The following SCHIP1 variants were observed in gnomAD, a reference collection of about 807,000 sequenced individuals.
SCHIP1 encodes the protein schwannomin-interacting protein 1.
Under a neutral mutation model 29.7 loss-of-function variants are expected in SCHIP1, and 8 were observed. The observed-to-expected ratio is 0.27, with a 90% CI of 0.16 to 0.49. SCHIP1 has a LOEUF of 0.49. SCHIP1 is among the 20% of genes least tolerant of loss of function. SCHIP1 has a pLI of 0.99. For missense variants in SCHIP1, 193 were observed against 294.6 expected, an observed-to-expected ratio of 0.66 and a Z score of 2.52; for synonymous variants, 76 against 94.9, an observed-to-expected ratio of 0.80 and a Z score of 1.16.
the SCHIP1 span, among the ~76,000 whole-genome samples, chr3:159,391,004 AG>A: frequency 6.6e-6 from 1 of 152,206 alleles, no homozygotes; most frequent in African/African-American, 2.4e-5. Context: ...GAGCTGAAAC[AG>A]TGAGTTCAAT....
the SCHIP1 span, among the ~76,000 whole-genome samples, chr3:159,666,681 A>T: frequency 6.6e-6 from 1 of 152,250 alleles, no homozygotes; most frequent in African/African-American, 2.4e-5. Flanking sequence ...GAGAAATACC[A>T]TAATTACATA....
At chr3:159,847,587 T>C (rs989016045) in intron 1 of SCHIP1, among the ~76,000 whole-genome samples, 1 of 152,160 alleles carries the variant, frequency 6.6e-6, no homozygotes, top group African/African-American at 2.4e-5. Flanking sequence ...ACATTAAAAT[T>C]GGTTCCACTT....
At chr3:159,348,137 TTAATAA>T in the SCHIP1 span, among the ~76,000 whole-genome samples, 1 of 152,152 alleles carries the variant, frequency 6.6e-6, no homozygotes, top group African/African-American at 2.4e-5. Context: ...TCAATGTTCT[TTAATAA>T]TAATAAAAAC....
the SCHIP1 span, among the ~76,000 whole-genome samples, chr3:159,394,126 G>A: frequency 6.7e-6 from 1 of 150,118 alleles, no homozygotes; most frequent in Non-Finnish European, 1.5e-5. Context: ...GTCTGTTGTT[G>A]GTGTATAAGA....
At chr3:159,460,524 A>T in the SCHIP1 span, among the ~76,000 whole-genome samples, 1 of 152,276 alleles carries the variant, frequency 6.6e-6, no homozygotes, top group South Asian at 2.1e-4. Context: ...CACACAAAGG[A>T]AGCAGCATAT....
the SCHIP1 span, among the ~76,000 whole-genome samples, chr3:159,358,978 A>G: frequency 0.07 from 8,459 of 121,614 alleles, 717 homozygotes; most frequent in African/African-American, 0.22. Flanking sequence ...GCCAGGCTGG[A>G]GTGCAGTGTC....
At chr3:159,703,878 C>A in the SCHIP1 span, among the ~76,000 whole-genome samples, 18 of 152,284 alleles carry the variant, frequency 1.2e-4, no homozygotes, top group African/African-American at 4.1e-4. Flanking sequence ...GCCTCTATCT[C>A]ATATTTCCTC....
the SCHIP1 span, among the ~76,000 whole-genome samples, chr3:159,543,246 A>G: frequency 6.6e-6 from 1 of 151,050 alleles, no homozygotes; most frequent in Admixed American, 6.6e-5. Flanking sequence ...TTTAGGGTAC[A>G]TGTGCACAAT....
the SCHIP1 span, among the ~76,000 whole-genome samples, chr3:159,427,172 T>G: frequency 3.3e-5 from 5 of 151,882 alleles, no homozygotes; most frequent in Non-Finnish European, 2.9e-5. Flanking sequence ...CCACTCCTAT[T>G]CAACATAGTG....
chr3:159,892,304 A>G (rs1031218779), intron 6 of SCHIP1, 114 bp downstream of exon 7: 45 of 1,225,662 alleles, frequency 3.7e-5, no homozygotes, highest in Non-Finnish European at 4.7e-5. Context: ...TAAATAACTC[A>G]CCTAGCCTTT....
the SCHIP1 span, among the ~76,000 whole-genome samples, chr3:159,615,081 A>C: frequency 6.6e-6 from 1 of 152,200 alleles, no homozygotes; most frequent in African/African-American, 2.4e-5. Context: ...TGCTTTGGTT[A>C]ACTCTCAAAA....
the SCHIP1 span, among the ~76,000 whole-genome samples, chr3:159,769,100 T>C: frequency 1.3e-5 from 2 of 152,224 alleles, no homozygotes; most frequent in African/African-American, 4.8e-5. Flanking sequence ...TTCATGTTTC[T>C]CTTAAATTCT....
the SCHIP1 span, among the ~76,000 whole-genome samples, chr3:159,551,106 A>G: frequency 6.6e-6 from 1 of 152,168 alleles, no homozygotes; most frequent in East Asian, 1.9e-4. Flanking sequence ...AATTCTGTAC[A>G]GATGGATGGC....
At chr3:159,506,946 CG>C in the SCHIP1 span, among the ~76,000 whole-genome samples, 1 of 152,098 alleles carries the variant, frequency 6.6e-6, no homozygotes, top group Non-Finnish European at 1.5e-5. Context: ...CCTGGCAATG[CG>C]GGCTCTTCTT....
intron 6 of SCHIP1, among the ~76,000 whole-genome samples, chr3:159,895,902 G>A (rs2109551994): frequency 6.6e-6 from 1 of 152,238 alleles, no homozygotes; most frequent in East Asian, 1.9e-4. Flanking sequence ...TGCCATGTTG[G>A]CCAGGCTGGT....
At chr3:159,767,833 G>A in the SCHIP1 span, among the ~76,000 whole-genome samples, 2 of 152,260 alleles carry the variant, frequency 1.3e-5, no homozygotes, top group South Asian at 2.1e-4. Flanking sequence ...TTTTCTTAGT[G>A]CTTGTCACTA....
At chr3:159,829,492 G>A in the SCHIP1 span, among the ~76,000 whole-genome samples, 1 of 152,200 alleles carries the variant, frequency 6.6e-6, no homozygotes, top group African/African-American at 2.4e-5. Flanking sequence ...GAAAAGTCCT[G>A]TAAAGCTGTG....
the SCHIP1 span, among the ~76,000 whole-genome samples, chr3:159,716,241 C>T: frequency 6.6e-6 from 1 of 152,174 alleles, no homozygotes; most frequent in East Asian, 1.9e-4. Flanking sequence ...ACAAGAGCTC[C>T]TGAAGGAAGC....
chr3:159,347,637 C>A, the SCHIP1 span, among the ~76,000 whole-genome samples: 1 of 152,150 alleles, frequency 6.6e-6, no homozygotes, highest in Non-Finnish European at 1.5e-5. Flanking sequence ...TAAAATATCT[C>A]TTCTGAAACT....
Sources: gnomAD v4.1 joint callset for allele counts (sites outside exome capture counted in the v4.1 genomes callset) on GRCh38, gnomAD v4.1.1 for gene constraint, MANE v1.5 for transcripts, NCBI Gene and HGNC (gene_info 2026-07-23, HGNC 2026-07-21) for gene names.